The following CCNY variants were observed in gnomAD, a reference collection of about 807,000 sequenced individuals.
CCNY encodes the protein cyclin Y.
In CCNY, 19 loss-of-function variants were observed where a neutral mutation model predicts 42.8. That is an observed-to-expected ratio of 0.44 (90% confidence interval 0.31 to 0.65). The LOEUF (loss-of-function observed/expected upper bound fraction) is 0.65, where lower values mean the gene tolerates loss of function less well. Ranked by LOEUF, CCNY falls within the 30% of genes least tolerant of loss-of-function variation. The pLI is 0.07. For synonymous variants in CCNY, 165 were observed against 162.7 expected, an observed-to-expected ratio of 1.01 and a Z score of -0.11; for missense variants, 370 against 437.3, an observed-to-expected ratio of 0.85 and a Z score of 1.37.
chr10:35,390,952 G>A (rs146219268), intron 1 of CCNY, among the ~76,000 whole-genome samples: 4 of 152,182 alleles, frequency 2.6e-5, no homozygotes, highest in Admixed American at 6.5e-5. Flanking sequence ...CTGGGAACAC[G>A]GAACCCAGTT....
At chr10:35,257,240 C>CT (rs1699024120) in intron 3 of CCNY, among the ~76,000 whole-genome samples, 1 of 143,596 alleles carries the variant, frequency 7.0e-6, no homozygotes, top group East Asian at 2.2e-4. Context: ...CCCTTCCTTC[C>CT]TCTTTCTTTC....
chr10:35,547,517 A>G (rs1403396848), intron 7 of CCNY, among the ~76,000 whole-genome samples: 1 of 152,054 alleles, frequency 6.6e-6, no homozygotes, highest in African/African-American at 2.4e-5. Context: ...TCACCACTGC[A>G]CCTGTCTCAC....
rs1474394400 is a variant in CCNY at position 35,479,544 on chromosome 10, G to A, written c.155-3860G>A. ...CACCGCATATTCTCACTCATAGGTG[G>A]GAATTGAACAATGAGAACACATGGA... On this transcript the variant is annotated intron_variant, in intron 1 of 9. Coordinates refer to ENST00000374704, the MANE Select transcript of CCNY (RefSeq NM_145012.6). 3.5e-5 allele frequency among the ~76,000 whole-genome samples: 5 copies of A among 141,000 alleles called. No homozygotes were observed. In the East Asian group the frequency reaches 1.0e-3, roughly 29 times the overall value. 92.5% of individuals were successfully genotyped at this position (141,000 alleles called of 152,430 possible). A position where few individuals can be genotyped will look rare whatever the true frequency, so the allele number is the denominator to read the frequency against.
intron 1 of CCNY, among the ~76,000 whole-genome samples, chr10:35,478,645 G>A (rs1839579702): frequency 6.6e-6 from 1 of 152,092 alleles, no homozygotes. Flanking sequence ...AATTCAAGAT[G>A]GATTAAAGAC....
At chr10:35,525,543 A>T (rs986051167) in intron 4 of CCNY, among the ~76,000 whole-genome samples, 4 of 152,200 alleles carry the variant, frequency 2.6e-5, no homozygotes, top group African/African-American at 9.7e-5. Flanking sequence ...TTCTTGGGTG[A>T]TATTCACATT....
At chr10:35,279,304 G>A (rs1359205165) in intron 3 of CCNY, among the ~76,000 whole-genome samples, 1 of 151,880 alleles carries the variant, frequency 6.6e-6, no homozygotes, top group Non-Finnish European at 1.5e-5. Flanking sequence ...AGTAGAGATG[G>A]GGTTTCACCA....
intron 1 of CCNY, among the ~76,000 whole-genome samples, chr10:35,387,430 C>T (rs184282092): frequency 2.6e-5 from 4 of 152,230 alleles, no homozygotes; most frequent in Admixed American, 6.5e-5. Context: ...AGCTCTGGGC[C>T]GCCATGAGAC....
intron 1 of CCNY, among the ~76,000 whole-genome samples, chr10:35,439,010 A>T (rs1332096677): frequency 6.6e-6 from 1 of 152,082 alleles, no homozygotes; most frequent in Non-Finnish European, 1.5e-5. Context: ...CTGTTTTCTG[A>T]TGAACAATCA....
intron 1 of CCNY, among the ~76,000 whole-genome samples, chr10:35,416,158 C>T (rs1589106299): frequency 7.8e-6 from 1 of 127,886 alleles, no homozygotes; most frequent in Admixed American, 7.9e-5. Context: ...ACTTGTGGCA[C>T]CCGTGTGTGT....
chr10:35,537,765 C>T (rs879742515), intron 7 of CCNY, among the ~76,000 whole-genome samples: 8 of 152,110 alleles, frequency 5.3e-5, no homozygotes, highest in Non-Finnish European at 1.0e-4. Context: ...TTTGAGTTTT[C>T]AGGCTCATAG....
chr10:35,363,273 C>T (rs1251235803), intron 1 of CCNY, among the ~76,000 whole-genome samples: 2 of 148,986 alleles, frequency 1.3e-5, no homozygotes, highest in Admixed American at 1.3e-4. Context: ...AGGGCGGTAG[C>T]TGGGTAGAGG....
chr10:35,555,108 C>A (rs1841338104), intron 8 of CCNY, among the ~76,000 whole-genome samples: 1 of 152,152 alleles, frequency 6.6e-6, no homozygotes, highest in Admixed American at 6.5e-5. Flanking sequence ...TCTCAGCAAC[C>A]CTGTGACATG....
chr10:35,311,061 C>A (rs1311671811), intron 3 of CCNY, among the ~76,000 whole-genome samples: 2 of 152,138 alleles, frequency 1.3e-5, no homozygotes, highest in Non-Finnish European at 2.9e-5. Context: ...GCCTATCATC[C>A]CAACACTTTG....
chr10:35,382,433 A>G (rs576986412), intron 1 of CCNY, among the ~76,000 whole-genome samples: 7 of 152,284 alleles, frequency 4.6e-5, no homozygotes, highest in African/African-American at 1.7e-4. Flanking sequence ...CAGTGGTAAG[A>G]CCTCAGCCAG....
At chr10:35,368,696 C>T (rs1039379546) in intron 1 of CCNY, among the ~76,000 whole-genome samples, 4 of 152,208 alleles carry the variant, frequency 2.6e-5, no homozygotes, top group South Asian at 2.1e-4. Context: ...CGGCCCCAGG[C>T]GTCAGGGCAG....
intron 1 of CCNY, among the ~76,000 whole-genome samples, chr10:35,372,957 C>G (rs986937490): frequency 1.3e-5 from 2 of 152,214 alleles, no homozygotes; most frequent in Non-Finnish European, 2.9e-5. Context: ...CTCAGCCTCC[C>G]AAAGTGCTGG....
At chr10:35,534,986 T>G (rs1256186301) in intron 7 of CCNY, among the ~76,000 whole-genome samples, 1 of 109,510 alleles carries the variant, frequency 9.1e-6, no homozygotes, top group East Asian at 2.9e-4. Context: ...TATATATATA[T>G]AGATCTATAT....
At chr10:35,284,665 T>C (rs960064739) in intron 3 of CCNY, among the ~76,000 whole-genome samples, 1 of 152,096 alleles carries the variant, frequency 6.6e-6, no homozygotes, top group African/African-American at 2.4e-5. Flanking sequence ...TAGGTTTCTT[T>C]TGCTAGTTTC....
chr10:35,370,590 C>A (rs1212504920), intron 1 of CCNY, among the ~76,000 whole-genome samples: 1 of 152,024 alleles, frequency 6.6e-6, no homozygotes, highest in Non-Finnish European at 1.5e-5. Flanking sequence ...TAGGAATCTT[C>A]TCTGGCTCTG....
Sources: gnomAD v4.1 joint callset for allele counts (sites outside exome capture counted in the v4.1 genomes callset) on GRCh38, gnomAD v4.1.1 for gene constraint, MANE v1.5 for transcripts, NCBI Gene and HGNC (gene_info 2026-07-23, HGNC 2026-07-21) for gene names.